The following ATP11C variants were observed in gnomAD, a reference collection of about 807,000 sequenced individuals.
ATP11C encodes ATPase phospholipid transporting 11C (ATP11C blood group).
In ATP11C, 36 loss-of-function variants were observed where a neutral mutation model predicts 97.4. That is an observed-to-expected ratio of 0.37 (90% CI 0.28 to 0.49). ATP11C has a LOEUF of 0.49. Ranked by LOEUF, ATP11C falls within the 20% of genes least tolerant of loss-of-function variation. ATP11C has a pLI of 0.98. For missense variants in ATP11C, 730 were observed against 824.6 expected, an observed-to-expected ratio of 0.89 and a Z score of 1.40; for synonymous variants, 275 against 290.9, an observed-to-expected ratio of 0.95 and a Z score of 0.56.
At position 139,732,339 on chromosome X, in the gene ATP11C, AATGAGTC is replaced by A. The variant is rs1249092862; in HGVS notation, c.3289-591_3289-585del. On this transcript the variant is annotated intron_variant, in intron 28 of 29. Coordinates refer to ENST00000682941, the MANE Select transcript of ATP11C (RefSeq NM_001353812.2). ...CTCTAAGCATCAATAGAAGATATAAAATGAGTCATGAGAAGTAATTTTTCATAAAGAA... is the reference window on the plus strand; with the variant it reads ...CTCTAAGCATCAATAGAAGATATAAAATGAGAAGTAATTTTTCATAAAGAA... 5 of 237,328 alleles carry A rather than the reference AATGAGTC, an allele frequency of 2.1e-5. No individual in the cohort carries two copies. The Admixed American group carries it at 2.3e-4, about 11-fold the overall frequency. The allele number at this position is 237,328 out of a possible 1,213,427, so 19.6% of individuals were successfully genotyped here.
chrX:139,857,892 T>C lies in ATP11C; in HGVS notation c.28-31069A>G, dbSNP rs141279539. Reference sequence around the variant, plus strand: ...GCCTCAGGAACAGAAAGTTATGGTTTGGATATCCCCTCCAAAACTCATGCT... The same window carrying C: ...GCCTCAGGAACAGAAAGTTATGGTTCGGATATCCCCTCCAAAACTCATGCT... On this transcript the variant is annotated intron_variant, in intron 1 of 29. Transcript: ENST00000682941. 2.0e-3 allele frequency among the ~76,000 whole-genome samples: 224 copies of C among 112,417 alleles called. 3 individuals are homozygous for C. Among genetic ancestry groups the C allele is most frequent in the Non-Finnish European group, 4.5e-4 (24 of 53,230 alleles).
At chrX:139,800,029 A>G in intron 8 of ATP11C, 31 bp downstream of exon 8, 2 of 432,228 alleles carry the variant, frequency 4.6e-6, no homozygotes, top group East Asian at 6.6e-5. Flanking sequence ...CCCCCCAACC[A>G]AAGGACAAAT....
intron 23 of ATP11C, among the ~76,000 whole-genome samples, chrX:139,756,835 G>C (rs1404185262): frequency 9.1e-6 from 1 of 109,487 alleles, no homozygotes; most frequent in African/African-American, 3.3e-5. Flanking sequence ...GAGAGTGAGA[G>C]GAGGGAGAGG....
chrX:139,901,116 C>T (rs1350466907), intron 1 of ATP11C, among the ~76,000 whole-genome samples: 2 of 111,734 alleles, frequency 1.8e-5, no homozygotes, highest in Non-Finnish European at 3.8e-5. Context: ...TTTTTACTGA[C>T]TCATGGGCAG....
At chrX:139,861,654 C>G (rs1390012586) in intron 1 of ATP11C, among the ~76,000 whole-genome samples, 1 of 110,307 alleles carries the variant, frequency 9.1e-6, no homozygotes, top group Non-Finnish European at 1.9e-5. Flanking sequence ...GGAGCGAAGC[C>G]AAAATTTGTA....
intron 1 of ATP11C, among the ~76,000 whole-genome samples, chrX:139,901,718 TG>T (rs1348064818): frequency 1.8e-5 from 2 of 111,884 alleles, no homozygotes; most frequent in African/African-American, 6.5e-5. Flanking sequence ...AGGAACACAC[TG>T]TACAGCCCAC....
At chrX:139,849,807 G>A (rs908073106) in intron 1 of ATP11C, among the ~76,000 whole-genome samples, 2 of 112,576 alleles carry the variant, frequency 1.8e-5, no homozygotes, top group African/African-American at 6.5e-5. Context: ...ATTAGGCCAT[G>A]AGGGCTCTGC....
intron 12 of ATP11C, among the ~76,000 whole-genome samples, chrX:139,792,596 G>C (rs1162480231): frequency 9.0e-6 from 1 of 111,402 alleles, no homozygotes; most frequent in Non-Finnish European, 1.9e-5. Flanking sequence ...AGTATCAAAA[G>C]TGAACTGGAG....
intron 1 of ATP11C, among the ~76,000 whole-genome samples, chrX:139,861,791 CA>C (rs2084202886): frequency 5.4e-5 from 6 of 111,352 alleles, no homozygotes; most frequent in African/African-American, 2.0e-4. Flanking sequence ...CACACACACA[CA>C]CACACACACC....
intron 19 of ATP11C, among the ~76,000 whole-genome samples, chrX:139,770,838 G>A (rs910484365): frequency 8.9e-6 from 1 of 111,929 alleles, no homozygotes; most frequent in Non-Finnish European, 1.9e-5. Flanking sequence ...GTTGAATGGT[G>A]CTATAGACTG....
intron 1 of ATP11C, among the ~76,000 whole-genome samples, chrX:139,865,003 A>C (rs1301131625): frequency 8.9e-6 from 1 of 112,263 alleles, no homozygotes; most frequent in Non-Finnish European, 1.9e-5. Context: ...ACAGAAAATT[A>C]AAGGAGCTTC....
At chrX:139,883,310 G>A (rs180894941) in intron 1 of ATP11C, among the ~76,000 whole-genome samples, 119 of 109,719 alleles carry the variant, frequency 1.1e-3, no homozygotes, top group Non-Finnish European at 2.5e-4. Flanking sequence ...TTCCTGCTTG[G>A]ACACTGGAAC....
rs201394639 is a variant in ATP11C at position 139,922,223 on chromosome X, A to AATATAT, written c.27+9787_27+9792dup. 9.1e-3 allele frequency among the ~76,000 whole-genome samples: 396 copies of AATATAT among 43,647 alleles called. 5 individuals are homozygous for AATATAT. Among genetic ancestry groups the AATATAT allele is most frequent in the Admixed American group, 0.011 (31 of 2,744 alleles). The allele number at this position is 43,647 out of a possible 115,157, so 37.9% of individuals were successfully genotyped here. A position where few individuals can be genotyped will look rare whatever the true frequency, so the allele number is the denominator to read the frequency against. On this transcript the variant is annotated intron_variant, in intron 1 of 29. Transcript: ENST00000682941. ...GTCTCTCTCTCTCTCTCCTTCTCTAAATATATATATATATATATATATATA... is the reference window on the plus strand; with the variant it reads ...GTCTCTCTCTCTCTCTCCTTCTCTAAATATATATATATATATATATATATATATATA...
chrX:139,770,559 G>A (rs1047632370), intron 19 of ATP11C, among the ~76,000 whole-genome samples: 1 of 110,934 alleles, frequency 9.0e-6, no homozygotes, highest in Non-Finnish European at 1.9e-5. Context: ...GGGGCTTAAG[G>A]GATTTCATGC....
At chrX:139,819,535 T>C (rs1247360952) in intron 2 of ATP11C, 108 bp from the exon 3 acceptor site, 1 of 324,142 alleles carries the variant, frequency 3.1e-6, no homozygotes, top group Non-Finnish European at 5.5e-6. Context: ...ATATTTAGTA[T>C]GTCCAACACT....
intron 1 of ATP11C, among the ~76,000 whole-genome samples, chrX:139,879,698 C>G (rs1298203794): frequency 2.7e-5 from 3 of 111,825 alleles, no homozygotes; most frequent in African/African-American, 9.7e-5. Context: ...TTTATACAAT[C>G]TTTGTCAATT....
At chrX:139,833,004 A>G (rs1360075843) in intron 1 of ATP11C, among the ~76,000 whole-genome samples, 1 of 112,450 alleles carries the variant, frequency 8.9e-6, no homozygotes, top group Non-Finnish European at 1.9e-5. Flanking sequence ...AAGAATTTTT[A>G]TTACAGTTTA....
At chrX:139,884,908 TGA>T (rs1382425219) in intron 1 of ATP11C, among the ~76,000 whole-genome samples, 2 of 111,972 alleles carry the variant, frequency 1.8e-5, no homozygotes, top group Non-Finnish European at 3.8e-5. Context: ...ACATTCTATG[TGA>T]GACATTTTAC....
chrX:139,854,050 GT>G (rs1234795594), intron 1 of ATP11C, among the ~76,000 whole-genome samples: 1 of 111,356 alleles, frequency 9.0e-6, no homozygotes, highest in Non-Finnish European at 1.9e-5. Context: ...ACAATAGATG[GT>G]TCCTCCCAGG....
Sources: gnomAD v4.1 joint callset for allele counts (sites outside exome capture counted in the v4.1 genomes callset) on GRCh38, gnomAD v4.1.1 for gene constraint, MANE v1.5 for transcripts, NCBI Gene and HGNC (gene_info 2026-07-23, HGNC 2026-07-21) for gene names.